TMEM120B: variants seen among roughly 807,000 people sequenced by gnomAD.
TMEM120B encodes the protein transmembrane protein 120B.
Under a neutral mutation model 55.5 loss-of-function variants are expected in TMEM120B, and 31 were observed. The observed-to-expected ratio is 0.56, with a 90% CI of 0.42 to 0.75. The LOEUF is 0.75. Ranked by LOEUF, TMEM120B falls within the 30% of genes least tolerant of loss-of-function variation. The pLI, the probability that TMEM120B is intolerant of heterozygous loss-of-function variation, is 0.00. For synonymous variants in TMEM120B, 203 were observed against 176.3 expected (o/e 1.15, Z -1.20); for missense variants, 399 against 425.5 (o/e 0.94, Z 0.55).
chr12:121,756,615 C>G (rs950800437), intron 5 of TMEM120B, among the ~76,000 whole-genome samples: 1 of 152,166 alleles, frequency 6.6e-6, no homozygotes, highest in Non-Finnish European at 1.5e-5. Context: ...AGGGAACCCC[C>G]CCGAATCTCC....
At chr12:121,730,538 C>A (rs1438994319) in intron 1 of TMEM120B, among the ~76,000 whole-genome samples, 2 of 150,520 alleles carry the variant, frequency 1.3e-5, no homozygotes, top group African/African-American at 4.9e-5. Flanking sequence ...GTAGCCCCAA[C>A]TACTTGGAAG....
At position 121,712,874 on chromosome 12, in the gene TMEM120B, C is replaced by G; in HGVS notation, c.-22C>G. On this transcript the variant is annotated 5_prime_UTR_variant, in exon 1 of 12. Coordinates refer to ENST00000449592, the MANE Select transcript of TMEM120B (RefSeq NM_001080825.2). ...GCGCTGCGGGAGCAGCCGCCGGCACCGCCGCCTTGCACCATCGCATCATGT... is the reference window on the plus strand; with the variant it reads ...GCGCTGCGGGAGCAGCCGCCGGCACGGCCGCCTTGCACCATCGCATCATGT... The G allele has an allele frequency of 2.7e-6, 4 of 1,474,168 alleles. No homozygotes were observed. The highest frequency in any genetic ancestry group is 9.0e-7 in the Non-Finnish European group (1 of 1,113,576). 91.3% of individuals were successfully genotyped at this position (1,474,168 alleles called of 1,614,324 possible).
At chr12:121,744,821 GCT>G (rs1873034759) in intron 2 of TMEM120B, among the ~76,000 whole-genome samples, 1 of 152,184 alleles carries the variant, frequency 6.6e-6, no homozygotes, top group Admixed American at 6.5e-5. Flanking sequence ...CCTGATTATA[GCT>G]CTCAGTGTGG....
chr12:121,735,935 C>G (rs1034161496), intron 1 of TMEM120B, among the ~76,000 whole-genome samples: 1 of 152,002 alleles, frequency 6.6e-6, no homozygotes, highest in Non-Finnish European at 1.5e-5. Context: ...CGTGATCCAC[C>G]CGCATCGGCC....
chr12:121,728,989 G>A (rs1894947934), intron 1 of TMEM120B, among the ~76,000 whole-genome samples: 1 of 152,220 alleles, frequency 6.6e-6, no homozygotes, highest in Non-Finnish European at 1.5e-5. Flanking sequence ...TTACCTGCTG[G>A]GTTGGGAGGC....
chr12:121,766,578 T>G (rs922867233), intron 6 of TMEM120B, among the ~76,000 whole-genome samples: 1 of 152,140 alleles, frequency 6.6e-6, no homozygotes, highest in African/African-American at 2.4e-5. Context: ...TTGGCCAGGC[T>G]TGGGTGACCT....
intron 5 of TMEM120B, chr12:121,759,115 G>A (rs932367631): frequency 1.4e-6 from 1 of 718,810 alleles, no homozygotes; most frequent in Non-Finnish European, 1.6e-6. Flanking sequence ...AACATAGAGT[G>A]TCTACTGTTT....
chr12:121,721,657 ATGGG>A (rs1162444425), intron 1 of TMEM120B, among the ~76,000 whole-genome samples: 1 of 150,476 alleles, frequency 6.6e-6, no homozygotes. Flanking sequence ...TTTTTAGTAG[ATGGG>A]GTTTCACCAT....
chr12:121,758,260 C>G, intron 5 of TMEM120B: 1 of 985,484 alleles, frequency 1.0e-6, no homozygotes, highest in Non-Finnish European at 1.2e-6. Context: ...CTCCACTTCA[C>G]AGATTGCAGG....
chr12:121,727,536 CAA>C (rs758470408), intron 1 of TMEM120B, among the ~76,000 whole-genome samples: 122 of 35,840 alleles, frequency 3.4e-3, no homozygotes, highest in African/African-American at 9.0e-3. Flanking sequence ...GACCCTGTCT[CAA>C]AAAAAAAAAA....
At chr12:121,750,747 C>T (rs1218701522) in intron 4 of TMEM120B, among the ~76,000 whole-genome samples, 2 of 141,782 alleles carry the variant, frequency 1.4e-5, no homozygotes, top group African/African-American at 5.3e-5. Context: ...CCCATACTCA[C>T]ACCCCACACT....
At chr12:121,727,801 G>A (rs1373803588) in intron 1 of TMEM120B, among the ~76,000 whole-genome samples, 3 of 150,470 alleles carry the variant, frequency 2.0e-5, no homozygotes, top group African/African-American at 7.3e-5. Flanking sequence ...GTGAACCCGG[G>A]AGGTGGAGCT....
intron 1 of TMEM120B, among the ~76,000 whole-genome samples, chr12:121,741,921 T>C (rs938626740): frequency 6.6e-6 from 1 of 152,022 alleles, no homozygotes; most frequent in Admixed American, 6.6e-5. Flanking sequence ...CCAAGGTGAC[T>C]CACTCACAGC....
chr12:121,729,072 TAG>T (rs1424465866), intron 1 of TMEM120B, among the ~76,000 whole-genome samples: 1 of 152,254 alleles, frequency 6.6e-6, no homozygotes, highest in Non-Finnish European at 1.5e-5. Context: ...ACCCTGCTTC[TAG>T]CCACATTTCA....
chr12:121,749,439 C>T (rs980012691), intron 3 of TMEM120B, among the ~76,000 whole-genome samples: 41 of 152,124 alleles, frequency 2.7e-4, no homozygotes, highest in African/African-American at 8.0e-4. Flanking sequence ...CCCAGCACTT[C>T]GGGAGGCCGA....
At chr12:121,714,856 GGTCCTCA>G in intron 1 of TMEM120B, among the ~76,000 whole-genome samples, 1 of 152,100 alleles carries the variant, frequency 6.6e-6, no homozygotes, top group East Asian at 1.9e-4. Flanking sequence ...CACCGTGCCT[GGTCCTCA>G]GCCACTTCTT....
At chr12:121,750,929 C>A (rs1198487656) in intron 4 of TMEM120B, among the ~76,000 whole-genome samples, 3 of 96,032 alleles carry the variant, frequency 3.1e-5, no homozygotes, top group Admixed American at 9.8e-5. Flanking sequence ...ACCCACACCT[C>A]ACCCCACACC....
At chr12:121,715,224 C>A (rs2942379) in intron 1 of TMEM120B, among the ~76,000 whole-genome samples, 78,000 of 151,684 alleles carry the variant, frequency 0.51, 21,035 homozygotes, top group African/African-American at 0.69. Context: ...AATCCCAGAT[C>A]CTCGAGTGGC....
chr12:121,771,628 T>G, intron 8 of TMEM120B, 79 bp downstream of exon 8: 1 of 1,390,582 alleles, frequency 7.2e-7, no homozygotes, highest in Non-Finnish European at 1.0e-6. Flanking sequence ...CCAGCTGACA[T>G]CAATCAGTGC....
Sources: allele counts gnomAD v4.1 joint callset (sites outside exome capture counted in the v4.1 genomes callset), GRCh38; gene constraint gnomAD v4.1.1; transcripts MANE v1.5; gene names NCBI Gene and HGNC (gene_info 2026-07-23, HGNC 2026-07-21).